The following ACYP2 variants were observed in gnomAD, a reference collection of about 807,000 sequenced individuals.
ACYP2 encodes acylphosphatase 2.
ACYP2 carries 12 observed loss-of-function variants against 11.2 expected under a neutral mutation model. The observed-to-expected ratio is 1.08, with a 90% CI of 0.69 to 1.74. The LOEUF (loss-of-function observed/expected upper bound fraction) is 1.74. Ranked by LOEUF, ACYP2 falls within the 40% of genes most tolerant of loss-of-function variation. ACYP2 has a pLI of 0.00. For synonymous variants in ACYP2, 43 were observed against 32.2 expected (o/e 1.33, Z -1.13); for missense variants, 134 against 101.9 (o/e 1.31, Z -1.35).
Position 53,986,448 on chromosome 2 carries a change from T to G in ACYP2, c.62+12638T>G, listed in dbSNP as rs181843879. Among the ~76,000 whole-genome samples the G allele has an allele frequency of 3.8e-3, 574 of 152,016 alleles. 2 individuals are homozygous for G. Among genetic ancestry groups the G allele is most frequent in the Non-Finnish European group, 4.8e-3 (323 of 67,984 alleles). On this transcript the variant is annotated intron_variant, in intron 2 of 6. Coordinates refer to ENST00000607452, the MANE Select transcript of ACYP2 (RefSeq NM_001320586.2). The stretch of plus-strand genomic sequence containing the variant: ...GCCTCCTGGGTTCAAGCGATTCTCC[T>G]GCCTCAGTCTCCTGAGTAGCTGGGA...
At chr2:54,093,949 A>G (rs1450262748) in intron 4 of ACYP2, among the ~76,000 whole-genome samples, 3 of 149,680 alleles carry the variant, frequency 2.0e-5, no homozygotes, top group Non-Finnish European at 4.4e-5. Flanking sequence ...CAAAAAACAA[A>G]CAAACAAACA....
chr2:54,255,227 T>C (rs746387742), intron 6 of ACYP2: 1 of 1,614,176 alleles, frequency 6.2e-7, no homozygotes, highest in East Asian at 2.2e-5. Flanking sequence ...ACCTTTACAA[T>C]CAGCTTGTTT....
At chr2:54,188,569 C>A (rs1684109897) in intron 6 of ACYP2, among the ~76,000 whole-genome samples, 1 of 152,034 alleles carries the variant, frequency 6.6e-6, no homozygotes, top group Non-Finnish European at 1.5e-5. Context: ...TAAATATTAA[C>A]AAGGATTATT....
intron 2 of ACYP2, among the ~76,000 whole-genome samples, chr2:54,014,835 C>T (rs935994485): frequency 2.0e-5 from 3 of 151,970 alleles, no homozygotes; most frequent in Middle Eastern, 3.4e-3. Context: ...TCATGGCTTA[C>T]AGCAATCTCG....
rs1197507365 is a variant in ACYP2, at chr2:54,002,660, A to AT, written c.62+28858dup. On this transcript the variant is annotated intron_variant, in intron 2 of 6. Coordinates refer to ENST00000607452, the MANE Select transcript of ACYP2 (RefSeq NM_001320586.2). ...ATGCCTGGCCATTTTATTTTATTTT[A>AT]TTTTTTTTGAGACGGAGTTTCGCTC... Among the ~76,000 whole-genome samples the AT allele has an allele frequency of 3.1e-5, 3 of 98,232 alleles. No homozygotes were observed. The East Asian group carries it at 8.5e-4, about 28-fold the overall frequency. 64.4% of individuals were successfully genotyped at this position (98,232 alleles called of 152,430 possible). A position where few individuals can be genotyped will look rare whatever the true frequency, so the allele number is the denominator to read the frequency against.
intron 6 of ACYP2, among the ~76,000 whole-genome samples, chr2:54,281,471 A>G (rs549211706): frequency 1.3e-5 from 2 of 152,300 alleles, no homozygotes; most frequent in East Asian, 3.9e-4. Flanking sequence ...CAGGACAGGT[A>G]AAGATGAGAT....
chr2:54,176,995 C>A (rs1683490624), intron 6 of ACYP2, among the ~76,000 whole-genome samples: 1 of 152,194 alleles, frequency 6.6e-6, no homozygotes, highest in Admixed American at 6.5e-5. Context: ...TCACAACAAA[C>A]CCGCATGCAA....
intron 6 of ACYP2, among the ~76,000 whole-genome samples, chr2:54,240,012 G>C (rs1464835000): frequency 6.6e-6 from 1 of 152,164 alleles, no homozygotes; most frequent in African/African-American, 2.4e-5. Context: ...TACCCAGAAG[G>C]AATTGTGACT....
At chr2:54,180,803 C>T (rs1383319428) in intron 6 of ACYP2, among the ~76,000 whole-genome samples, 1 of 152,180 alleles carries the variant, frequency 6.6e-6, no homozygotes, top group Non-Finnish European at 1.5e-5. Context: ...CAGTCGCCTG[C>T]CTCAGCCTCC....
At chr2:54,133,418 G>A (rs1245010354) in intron 4 of ACYP2, among the ~76,000 whole-genome samples, 1 of 151,968 alleles carries the variant, frequency 6.6e-6, no homozygotes, top group Non-Finnish European at 1.5e-5. Context: ...CTAAATTTAA[G>A]CACTTTTTTT....
At chr2:54,102,840 T>C (rs1678972503) in intron 4 of ACYP2, among the ~76,000 whole-genome samples, 2 of 152,260 alleles carry the variant, frequency 1.3e-5, no homozygotes, top group South Asian at 2.1e-4. Context: ...GGCAAAATGA[T>C]TCCTGATAGC....
At chr2:54,187,705 G>A (rs1684069543) in intron 6 of ACYP2, among the ~76,000 whole-genome samples, 1 of 152,128 alleles carries the variant, frequency 6.6e-6, no homozygotes, top group Non-Finnish European at 1.5e-5. Flanking sequence ...GGCTGGTGAG[G>A]ATCCAGGGAG....
intron 6 of ACYP2, among the ~76,000 whole-genome samples, chr2:54,243,531 G>T (rs370243669): frequency 6.6e-6 from 1 of 152,120 alleles, no homozygotes. Context: ...GTCTCGCTCT[G>T]TCGCCCAGGC....
intron 2 of ACYP2, among the ~76,000 whole-genome samples, chr2:54,000,206 GT>G (rs1256314990): frequency 1.3e-5 from 2 of 151,904 alleles, no homozygotes; most frequent in East Asian, 3.9e-4. Context: ...TTATAGTTTT[GT>G]CCCCACACCC....
intron 4 of ACYP2, among the ~76,000 whole-genome samples, chr2:54,065,238 G>T (rs992129530): frequency 3.3e-5 from 5 of 152,198 alleles, no homozygotes. Context: ...ATTACTGGAT[G>T]TGAGGAAAGT....
intron 2 of ACYP2, among the ~76,000 whole-genome samples, chr2:54,013,328 G>GTCTTGC (rs1673496135): frequency 6.7e-6 from 1 of 148,350 alleles, no homozygotes; most frequent in Non-Finnish European, 1.5e-5. Flanking sequence ...TTGAGACAGA[G>GTCTTGC]TCTTGCTCTG....
intron 5 of ACYP2, among the ~76,000 whole-genome samples, chr2:54,135,904 T>G (rs1265552219): frequency 6.6e-6 from 1 of 152,218 alleles, no homozygotes; most frequent in African/African-American, 2.4e-5. Flanking sequence ...TAAAATTTAT[T>G]TATTTAGTTT....
chr2:54,273,683 C>T (rs367728017), intron 6 of ACYP2, among the ~76,000 whole-genome samples: 3 of 152,158 alleles, frequency 2.0e-5, no homozygotes, highest in East Asian at 3.9e-4. Flanking sequence ...CCAGGCTGGT[C>T]GTGAACTCCT....
At chr2:54,125,987 G>A (rs1371544148) in intron 4 of ACYP2, among the ~76,000 whole-genome samples, 4 of 146,852 alleles carry the variant, frequency 2.7e-5, no homozygotes, top group South Asian at 2.2e-4. Flanking sequence ...AGGTTGAGGC[G>A]GAAGAATTGC....
Sources: gnomAD v4.1 joint callset for allele counts (sites outside exome capture counted in the v4.1 genomes callset) on GRCh38, gnomAD v4.1.1 for gene constraint, MANE v1.5 for transcripts, NCBI Gene and HGNC (gene_info 2026-07-23, HGNC 2026-07-21) for gene names.